LAMP2: variants seen among roughly 807,000 people sequenced by gnomAD.
The protein encoded by LAMP2 is lysosome associated membrane protein 2.
LAMP2 carries 4 observed loss-of-function variants against 25.6 expected under a neutral mutation model. That is an observed-to-expected ratio of 0.16 (90% CI 0.08 to 0.36). LAMP2 has a LOEUF of 0.36. LAMP2 is among the 10% of genes least tolerant of loss of function. The pLI, the probability that LAMP2 is intolerant of heterozygous loss-of-function variation, is 1.00. For synonymous variants in LAMP2, 108 were observed against 112.7 expected (o/e 0.96, Z 0.27); for missense variants, 272 against 301.4 (o/e 0.90, Z 0.72).
At chrX:120,440,274 C>T (rs1008022700) in intron 8 of LAMP2, among the ~76,000 whole-genome samples, 1 of 111,578 alleles carries the variant, frequency 9.0e-6, no homozygotes, top group African/African-American at 3.3e-5. Context: ...CTAATTTGAG[C>T]GTGCTTACTG....
At chrX:120,450,400 C>T (rs1464878034) in intron 3 of LAMP2, among the ~76,000 whole-genome samples, 1 of 111,651 alleles carries the variant, frequency 9.0e-6, no homozygotes, top group Non-Finnish European at 1.9e-5. Flanking sequence ...AATTAAAAAA[C>T]AAAACAAAAC....
Position 120,428,839 on chromosome X carries a change from A to C in LAMP2, c.*2484T>G. 1 of 751,579 alleles carries C rather than the reference A, an allele frequency of 1.3e-6. No homozygotes were observed. The highest frequency in any genetic ancestry group is 1.6e-6 in the Non-Finnish European group (1 of 637,291). 61.9% of individuals were successfully genotyped at this position (751,579 alleles called of 1,213,427 possible). A position where few individuals can be genotyped will look rare whatever the true frequency, so the allele number is the denominator to read the frequency against. ...ACGAAAAGCAGAAGGTAAGGGAAGAATGGGAAGGGTCCAAAATAGAGAATT... is the reference window on the plus strand; with the variant it reads ...ACGAAAAGCAGAAGGTAAGGGAAGACTGGGAAGGGTCCAAAATAGAGAATT... On this transcript the variant is annotated 3_prime_UTR_variant, in exon 9 of 9. Coordinates refer to ENST00000200639, the MANE Select transcript of LAMP2 (RefSeq NM_002294.3).
At chrX:120,443,473 C>T (rs971838598) in intron 6 of LAMP2, among the ~76,000 whole-genome samples, 1 of 112,105 alleles carries the variant, frequency 8.9e-6, no homozygotes, top group Non-Finnish European at 1.9e-5. Flanking sequence ...TGAGTAAGTA[C>T]AACACTCCTA....
intron 1 of LAMP2, among the ~76,000 whole-genome samples, chrX:120,457,765 T>C (rs1921156761): frequency 8.9e-6 from 1 of 112,762 alleles, no homozygotes; most frequent in African/African-American, 3.2e-5. Flanking sequence ...TTTTCTTCAC[T>C]GTATCACACA....
intron 6 of LAMP2, among the ~76,000 whole-genome samples, chrX:120,442,992 C>G (rs927775464): frequency 2.7e-5 from 3 of 111,254 alleles, no homozygotes; most frequent in Non-Finnish European, 5.7e-5. Flanking sequence ...AAGTGGGCTC[C>G]CTGCCTTTCA....
chrX:120,449,381 G>A (rs778381212), intron 3 of LAMP2, among the ~76,000 whole-genome samples: 5 of 112,375 alleles, frequency 4.4e-5, no homozygotes, highest in Non-Finnish European at 9.4e-5. Context: ...TTGGGAGGCC[G>A]AGGTGGGTGG....
rs976549455 is a variant in LAMP2 at position 120,429,287 on chromosome X, T to C, written c.*2036A>G. ...CACCAGGAAAGCAACATGTGCAATGTAGATTTTGAGTTCTGGATTCAGACA... is the reference window on the plus strand; with the variant it reads ...CACCAGGAAAGCAACATGTGCAATGCAGATTTTGAGTTCTGGATTCAGACA... On this transcript the variant is annotated 3_prime_UTR_variant, in exon 9 of 9. Coordinates refer to ENST00000200639, the MANE Select transcript of LAMP2 (RefSeq NM_002294.3). 15 of 740,222 alleles carry C rather than the reference T, an allele frequency of 2.0e-5. No homozygotes were observed. The highest frequency in any genetic ancestry group is 2.4e-5 in the Non-Finnish European group (15 of 635,152). 61.0% of individuals were successfully genotyped at this position (740,222 alleles called of 1,213,427 possible).
rs756511454 is a variant in LAMP2, at chrX:120,469,187, G to C, written c.-18C>G. On this transcript the variant is annotated 5_prime_UTR_variant, in exon 1 of 9. Transcript: ENST00000200639. ...CACACCATGACCCCGCAGAGCAGGC[G>C]GCGACGGCGGCGACGGCGGCGGTAC... 8.6e-7 allele frequency: 1 copy of C among 1,167,883 alleles called. No individual in the cohort carries two copies. Among genetic ancestry groups the C allele is most frequent in the South Asian group, 1.8e-5 (1 of 55,357 alleles).
intron 3 of LAMP2, among the ~76,000 whole-genome samples, chrX:120,450,118 C>A (rs1038294294): frequency 2.7e-5 from 3 of 112,154 alleles, no homozygotes; most frequent in African/African-American, 9.7e-5. Context: ...GCTTATAGAA[C>A]CGCTTCCTGG....
chrX:120,462,657 G>A (rs1372502936), intron 1 of LAMP2, among the ~76,000 whole-genome samples: 1 of 110,944 alleles, frequency 9.0e-6, no homozygotes, highest in African/African-American at 3.3e-5. Context: ...CAAAATTAGG[G>A]GTGGGGGAAG....
chrX:120,430,110 A>G lies in LAMP2; in HGVS notation c.*1213T>C, dbSNP rs941076536. 6.7e-6 allele frequency: 5 copies of G among 751,715 alleles called. No homozygotes were observed. Among genetic ancestry groups the G allele is most frequent in the Non-Finnish European group, 7.8e-6 (5 of 637,814 alleles). 61.9% of individuals were successfully genotyped at this position (751,715 alleles called of 1,213,427 possible). A position where few individuals can be genotyped will look rare whatever the true frequency, so the allele number is the denominator to read the frequency against. On this transcript the variant is annotated 3_prime_UTR_variant, in exon 9 of 9. Coordinates refer to ENST00000200639, the MANE Select transcript of LAMP2 (RefSeq NM_002294.3). ...TGTATTGTTAATCAGGAAGTTATAG[A>G]GACTCTGATCATGCCCCTATATACA...
intron 6 of LAMP2, among the ~76,000 whole-genome samples, chrX:120,445,520 A>G (rs968731855): frequency 8.9e-6 from 1 of 112,358 alleles, no homozygotes; most frequent in African/African-American, 3.2e-5. Context: ...CTAATTATAC[A>G]ATATTTTTAG....
chrX:120,466,755 T>A (rs1339257336), intron 1 of LAMP2, among the ~76,000 whole-genome samples: 2 of 111,049 alleles, frequency 1.8e-5, no homozygotes, highest in African/African-American at 3.3e-5. Context: ...AGTGGTGAGG[T>A]CATCACATGT....
rs1246289335 is a variant in LAMP2, at chrX:120,426,594, C to A, written c.*4729G>T. On this transcript the variant is annotated 3_prime_UTR_variant, in exon 9 of 9. Coordinates refer to ENST00000200639, the MANE Select transcript of LAMP2 (RefSeq NM_002294.3). Reference sequence around the variant, plus strand: ...AGGAATTAGTGATATTAGTCTCATACCCAAAAGGTAGAACACTTTTAAATG... The same window carrying A: ...AGGAATTAGTGATATTAGTCTCATAACCAAAAGGTAGAACACTTTTAAATG... Among the ~76,000 whole-genome samples, 1 of 111,488 alleles carries A rather than the reference C, an allele frequency of 9.0e-6. No individual in the cohort carries two copies. The highest frequency in any genetic ancestry group is 3.3e-5 in the African/African-American group (1 of 30,652).
At position 120,436,711 on chromosome X, in the gene LAMP2, A is replaced by G. The variant is rs1345033486; in HGVS notation, c.1093+5019T>C. ...GTTACCATCAAGGTATGAATCTAGT[A>G]ATACAAATAAAACTACAAAAGGTAC... On this transcript the variant is annotated intron_variant, in intron 8 of 8. Transcript: ENST00000200639. 4.1e-6 allele frequency: 3 copies of G among 733,263 alleles called. No individual in the cohort carries two copies. The East Asian group carries it at 4.6e-4, about 112-fold the overall frequency. The allele number at this position is 733,263 out of a possible 1,213,427, so 60.4% of individuals were successfully genotyped here.
At chrX:120,438,292 T>C in intron 8 of LAMP2, 3 of 753,169 alleles carry the variant, frequency 4.0e-6, no homozygotes, top group Non-Finnish European at 4.7e-6. Context: ...AAGAGAAATC[T>C]GCATTAATTT....
rs781417368 is a variant in LAMP2 at position 120,442,665 on chromosome X, GT to G, written c.865-4del. On this transcript the variant is annotated splice_polypyrimidine_tract_variant and splice_region_variant and intron_variant, in intron 6 of 8. Transcript: ENST00000200639. ...AGATAAAATCGGTTTTCATTTTTCT[GT>G]TTGAAAAAGAGCTTCCAGTTAATTA... 2.5e-6 allele frequency: 3 copies of G among 1,188,612 alleles called. No individual in the cohort carries two copies. In the South Asian group the frequency reaches 5.3e-5, roughly 21 times the overall value.
At position 120,429,691 on chromosome X, in the gene LAMP2, T is replaced by C. The variant is rs755434692; in HGVS notation, c.*1632A>G. 636 of 751,518 alleles carry C rather than the reference T, an allele frequency of 8.5e-4. No individual in the cohort carries two copies. The highest frequency in any genetic ancestry group is 9.4e-4 in the Non-Finnish European group (598 of 638,568). The allele number at this position is 751,518 out of a possible 1,213,427, so 61.9% of individuals were successfully genotyped here. ...CCAATTCTGATCTCATAATTTCAAG[T>C]GTAAACCAGCTGTTGTTTTACTGTT... On this transcript the variant is annotated 3_prime_UTR_variant, in exon 9 of 9. Coordinates refer to ENST00000200639, the MANE Select transcript of LAMP2 (RefSeq NM_002294.3).
chrX:120,464,556 A>G (rs1301183222), intron 1 of LAMP2, among the ~76,000 whole-genome samples: 2 of 111,474 alleles, frequency 1.8e-5, no homozygotes, highest in African/African-American at 6.5e-5. Flanking sequence ...TTTGCAAATG[A>G]TAAGATTTAT....
Sources: allele counts gnomAD v4.1 joint callset (sites outside exome capture counted in the v4.1 genomes callset), GRCh38; gene constraint gnomAD v4.1.1; transcripts MANE v1.5; gene names NCBI Gene and HGNC (gene_info 2026-07-23, HGNC 2026-07-21).